Variants in ARHGAP39 observed in about 807,000 individuals in gnomAD.
ARHGAP39 encodes the protein rho GTPase-activating protein 39.
ARHGAP39 carries 44 observed loss-of-function variants against 106.9 expected under a neutral mutation model. That is an observed-to-expected ratio of 0.41 (90% CI 0.32 to 0.53). The LOEUF (loss-of-function observed/expected upper bound fraction) is 0.53. Ranked by LOEUF, ARHGAP39 falls within the 20% of genes least tolerant of loss-of-function variation. The pLI, the probability that ARHGAP39 is intolerant of heterozygous loss-of-function variation, is 0.21. For missense variants in ARHGAP39, 1,496 were observed against 1,577.3 expected, an observed-to-expected ratio of 0.95 and a Z score of 0.87; for synonymous variants, 768 against 693.2, an observed-to-expected ratio of 1.11 and a Z score of -1.69.
At position 144,627,820 on chromosome 8, in the gene ARHGAP39, C is replaced by T. The variant is rs549121902; in HGVS notation, c.-81-22125G>A. On this transcript the variant is annotated intron_variant, in intron 1 of 11. Transcript: ENST00000377307. ...CTTCATCAGCCATGAGGCAGGTTGG[C>T]TCATGGAGACCTCCCTGCACCCTGG... Among the ~76,000 whole-genome samples the T allele has an allele frequency of 1.5e-3, 230 of 152,318 alleles. 1 individual carries two copies. The highest frequency in any genetic ancestry group is 5.4e-3 in the South Asian group (26 of 4,826).
At position 144,679,065 on chromosome 8, in the gene ARHGAP39, G is replaced by A. The variant is rs891809536; in HGVS notation, c.-82+6621C>T. 2.0e-5 allele frequency among the ~76,000 whole-genome samples: 3 copies of A among 152,226 alleles called. No homozygotes were observed. Among genetic ancestry groups the A allele is most frequent in the Admixed American group, 1.3e-4 (2 of 15,292 alleles). ...TCTAGGTGGTGACCAAGCAGGTGAA[G>A]GTCCCAAAGCCCCAAAGGGTTGAGG... On this transcript the variant is annotated intron_variant, in intron 1 of 11. Transcript: ENST00000377307. The surrounding 1 kb of genome is among the most constrained non-coding windows in gnomAD (Gnocchi z 4.7).
intron 1 of ARHGAP39, among the ~76,000 whole-genome samples, chr8:144,629,193 T>C (rs543334530): frequency 2.0e-5 from 3 of 152,386 alleles, no homozygotes; most frequent in Admixed American, 6.5e-5. Flanking sequence ...TCTCGGTATC[T>C]TCTGTAACGG....
Position 144,545,253 on chromosome 8 carries a change from A to T in ARHGAP39, c.2517T>A (p.Thr839=). ...AAAGCCCGTGCATGGCCTTACCTTT[A>T]GTGTCATTGACGGGGTCCATGTGCC... ...IYRHMDPVND[T]KVTQHIKELL... is the part of the protein sequence containing the mutation. Residue 839 remains threonine (T), a synonymous_variant, in exon 6 of 12, where the codon ACT becomes ACA. Transcript: ENST00000377307. 6.5e-7 allele frequency: 1 copy of T among 1,534,824 alleles called. No homozygotes were observed.
intron 2 of ARHGAP39, among the ~76,000 whole-genome samples, chr8:144,600,866 A>AGCGT (rs549682927): frequency 1.1e-5 from 1 of 86,968 alleles, no homozygotes; most frequent in Non-Finnish European, 2.4e-5. Context: ...TGTGCATGGA[A>AGCGT]GCGTGCGTGC....
chr8:144,579,571 A>G (rs1013844514), intron 3 of ARHGAP39, among the ~76,000 whole-genome samples: 9 of 152,046 alleles, frequency 5.9e-5, no homozygotes, highest in Admixed American at 5.9e-4. Flanking sequence ...ACTCTGCAGC[A>G]GGCCCCATCC....
At chr8:144,690,355 G>A (rs143701693), upstream of ARHGAP39, among the ~76,000 whole-genome samples, 2,559 of 149,684 alleles carry the variant, frequency 0.017, 29 homozygotes, top group South Asian at 0.047. Flanking sequence ...TCCCACCCAC[G>A]TTGGCCTCCC....
At chr8:144,638,077 A>C (rs891005822) in intron 1 of ARHGAP39, among the ~76,000 whole-genome samples, 1 of 152,046 alleles carries the variant, frequency 6.6e-6, no homozygotes, top group African/African-American at 2.4e-5. Flanking sequence ...GTTGGTAGTA[A>C]ACTCTGTTTT....
chr8:144,533,433 T>C, intron 8 of ARHGAP39, 108 bp from the exon 9 acceptor site: 2 of 1,126,034 alleles, frequency 1.8e-6, no homozygotes, highest in East Asian at 2.6e-5. Flanking sequence ...CTCTTCAGAA[T>C]TCCTGCCCCA....
chr8:144,683,579 T>G (rs1822486611), intron 1 of ARHGAP39: 1 of 151,872 alleles, frequency 6.6e-6, no homozygotes, highest in Non-Finnish European at 1.5e-5. Flanking sequence ...ACTCCTGACC[T>G]CAAGCGATCT....
chr8:144,663,754 C>T (rs1821892222), intron 1 of ARHGAP39, among the ~76,000 whole-genome samples: 1 of 152,222 alleles, frequency 6.6e-6, no homozygotes, highest in African/African-American at 2.4e-5. Context: ...TTCTGACCAC[C>T]ATCTCCAATA....
chr8:144,664,309 A>G (rs979846535), intron 1 of ARHGAP39, among the ~76,000 whole-genome samples: 9 of 152,104 alleles, frequency 5.9e-5, no homozygotes, highest in African/African-American at 2.2e-4. Flanking sequence ...CTCCCTCCAC[A>G]TGGCAGCCAG....
chr8:144,699,043 G>A, the ARHGAP39 span: 2 of 366,200 alleles, frequency 5.5e-6, no homozygotes, highest in South Asian at 4.0e-5. Context: ...GAGTTCCAGG[G>A]CTTCTCACTG....
At chr8:144,623,627 A>G (rs1399949643) in intron 1 of ARHGAP39, among the ~76,000 whole-genome samples, 1 of 152,248 alleles carries the variant, frequency 6.6e-6, no homozygotes, top group East Asian at 1.9e-4. Flanking sequence ...GCAGCGACAG[A>G]GGAGATGGTA....
At position 144,530,743 on chromosome 8, in the gene ARHGAP39, T is replaced by TG; in HGVS notation, c.3108dup (p.Ile1037HisfsTer135). 6.2e-7 allele frequency: 1 copy of TG among 1,609,956 alleles called. No homozygotes were observed. Among genetic ancestry groups the TG allele is most frequent in the Non-Finnish European group, 8.5e-7 (1 of 1,178,738 alleles). On this transcript the variant is annotated frameshift_variant, in exon 11 of 12. Coordinates refer to ENST00000377307, the MANE Select transcript of ARHGAP39 (RefSeq NM_025251.3). LOFTEE classifies it high-confidence loss of function. The stretch of plus-strand genomic sequence containing the variant: ...AGGTAGCACAGCACCATGCGGTTGA[T>TG]GCGGGGCAGCGCGTGCACCACGGCC...
intron 1 of ARHGAP39, among the ~76,000 whole-genome samples, chr8:144,642,672 T>C (rs1391079619): frequency 1.3e-5 from 2 of 152,134 alleles, no homozygotes. Flanking sequence ...TGACTGTGAA[T>C]AAGTGTCATG....
chr8:144,571,428 A>G (rs1440001139), intron 3 of ARHGAP39, among the ~76,000 whole-genome samples: 1 of 152,212 alleles, frequency 6.6e-6, no homozygotes, highest in Non-Finnish European at 1.5e-5. Flanking sequence ...CTTCAACAAA[A>G]TTCGACAGCG....
Position 144,672,988 on chromosome 8 carries a change from G to A in ARHGAP39, c.-82+12698C>T, listed in dbSNP as rs117897402. On this transcript the variant is annotated intron_variant, in intron 1 of 11. Coordinates refer to ENST00000377307, the MANE Select transcript of ARHGAP39 (RefSeq NM_025251.3). ...TCCCAGCACTTTGGGAGGCAGAAGC[G>A]GGAGGATCACTTGAGCCCAAGAGTT... is the stretch of plus-strand genomic sequence containing the variant. Among the ~76,000 whole-genome samples the A allele has an allele frequency of 3.6e-3, 555 of 152,266 alleles. 3 individuals are homozygous for A. Among genetic ancestry groups the A allele is most frequent in the East Asian group, 0.014 (72 of 5,176 alleles).
intron 7 of ARHGAP39, 102 bp from the exon 8 acceptor site, chr8:144,534,304 G>C: frequency 7.4e-7 from 1 of 1,353,820 alleles, no homozygotes; most frequent in Non-Finnish European, 1.0e-6. Context: ...TGGGGGGCTG[G>C]GCTGGCCTTG....
chr8:144,547,600 T>C lies in ARHGAP39; in HGVS notation c.1486A>G (p.Ser496Gly). The change falls in exon 5 of 12, where the codon AGC becomes GGC. Residue 496 changes from serine (S) to glycine (G), a missense_variant. This residue lies in a region of ARHGAP39 where 905 missense variants were observed against 816.4 expected (regional missense o/e 1.11). Coordinates refer to ENST00000377307, the MANE Select transcript of ARHGAP39 (RefSeq NM_025251.3). This position sits in a 1 kb window ranked among gnomAD's most constrained non-coding sequence, Gnocchi z 5.2. ...GCTTGGCACAAAGAGGGCTTTCTGC[T>C]CTTCCGCTTGCGCGTGCCCGGGGAG... is the stretch of plus-strand genomic sequence containing the variant. ...GYSPGTRKRKSRKPSLCQATS... is the reference protein window; with the variant it reads ...GYSPGTRKRKGRKPSLCQATS... The C allele has an allele frequency of 4.1e-6, 6 of 1,480,670 alleles. No homozygotes were observed. Among genetic ancestry groups the C allele is most frequent in the Non-Finnish European group, 5.4e-6 (6 of 1,117,396 alleles). 91.7% of individuals were successfully genotyped at this position (1,480,670 alleles called of 1,614,324 possible).
Sources: gnomAD v4.1 joint callset for allele counts (sites outside exome capture counted in the v4.1 genomes callset) on GRCh38, gnomAD v4.1.1 for gene constraint, gnomAD v4.1.1 regional missense constraint, Gnocchi (gnomAD v3.1) non-coding constraint, MANE v1.5 for transcripts, NCBI Gene and HGNC (gene_info 2026-07-23, HGNC 2026-07-21) for gene names.